The following BFSP2 variants were observed in gnomAD, a reference collection of about 807,000 sequenced individuals.
BFSP2 encodes phakinin.
A neutral mutation model predicts 44.9 loss-of-function variants in BFSP2; 38 were observed. That is an observed-to-expected ratio of 0.85 (90% CI 0.65 to 1.11). The LOEUF is 1.11. BFSP2 is among the 50% of genes least tolerant of loss of function. The probability of loss-of-function intolerance (pLI) is 0.00; values close to 1 mark genes in which losing one functional copy is unlikely to be tolerated. For missense variants in BFSP2, 525 were observed against 533.0 expected, an observed-to-expected ratio of 0.99 and a Z score of 0.15; for synonymous variants, 197 against 209.9, an observed-to-expected ratio of 0.94 and a Z score of 0.53.
At chr3:133,411,660 T>TA (rs1257758335) in intron 1 of BFSP2, among the ~76,000 whole-genome samples, 1 of 152,162 alleles carries the variant, frequency 6.6e-6, no homozygotes, top group Non-Finnish European at 1.5e-5. Context: ...TTAGTTTTAA[T>TA]AAAGGCAGCA....
At chr3:133,421,690 A>G (rs866957092) in intron 1 of BFSP2, among the ~76,000 whole-genome samples, 6 of 152,190 alleles carry the variant, frequency 3.9e-5, no homozygotes, top group South Asian at 4.1e-4. Context: ...TTCTTTTCAC[A>G]TTATAGTCCT....
At chr3:133,464,667 G>C (rs1249100728) in intron 4 of BFSP2, among the ~76,000 whole-genome samples, 1 of 151,030 alleles carries the variant, frequency 6.6e-6, no homozygotes. Flanking sequence ...TATATAGTCA[G>C]TGTTTTCATG....
At chr3:133,454,999 T>G (rs1178139917) in intron 4 of BFSP2, among the ~76,000 whole-genome samples, 3 of 152,214 alleles carry the variant, frequency 2.0e-5, no homozygotes, top group African/African-American at 7.2e-5. Context: ...CCTCCACATC[T>G]TGTCCCACTG....
intron 2 of BFSP2, 53 bp downstream of exon 2, chr3:133,447,452 C>A (rs546670331): frequency 1.3e-6 from 2 of 1,554,476 alleles, no homozygotes; most frequent in African/African-American, 1.4e-5. Context: ...GACTCCTAGG[C>A]AAGTGTGGAT....
intron 1 of BFSP2, among the ~76,000 whole-genome samples, chr3:133,416,642 A>C (rs1286328722): frequency 2.2e-4 from 17 of 78,304 alleles, no homozygotes; most frequent in Middle Eastern, 0.014. Context: ...TCTCCCTTCT[A>C]CTCACCTCTG....
At chr3:133,422,950 C>G (rs2073606502) in intron 1 of BFSP2, among the ~76,000 whole-genome samples, 1 of 152,210 alleles carries the variant, frequency 6.6e-6, no homozygotes, top group Non-Finnish European at 1.5e-5. Context: ...ATACCTGGTA[C>G]TGAATACGTG....
intron 1 of BFSP2, among the ~76,000 whole-genome samples, chr3:133,424,606 G>T (rs1001402299): frequency 4.0e-5 from 6 of 149,948 alleles, no homozygotes; most frequent in African/African-American, 1.5e-4. Flanking sequence ...CCTTTTGTGG[G>T]TTTGTTTGTT....
intron 3 of BFSP2, 106 bp from the exon 4 acceptor site, chr3:133,450,197 T>C (rs1273941043): frequency 7.8e-7 from 1 of 1,285,514 alleles, no homozygotes; most frequent in Non-Finnish European, 1.1e-6. Context: ...CTGGCAGTTG[T>C]GGAATGAGAA....
intron 1 of BFSP2, among the ~76,000 whole-genome samples, chr3:133,416,694 ACCCCTCTACTCTCCCCATCCTCT>A (rs2073534998): frequency 1.7e-5 from 1 of 58,538 alleles, no homozygotes; most frequent in Admixed American, 2.1e-4. Flanking sequence ...CCCTCTACTG[ACCCCTCTACTCTCCCCATCCTCT>A]CCCCTCTACT....
chr3:133,408,769 C>T (rs553296357), intron 1 of BFSP2, among the ~76,000 whole-genome samples: 1 of 151,650 alleles, frequency 6.6e-6, no homozygotes, highest in Non-Finnish European at 1.5e-5. Context: ...ATTCTACCAT[C>T]TAGCTAAGAA....
intron 1 of BFSP2, among the ~76,000 whole-genome samples, chr3:133,416,903 C>T (rs2073538791): frequency 7.4e-6 from 1 of 135,482 alleles, no homozygotes; most frequent in African/African-American, 2.8e-5. Flanking sequence ...CTCATCCCTG[C>T]CCTCTCCCCT....
intron 1 of BFSP2, 112 bp from the exon 2 acceptor site, chr3:133,447,205 G>C (rs573060044): frequency 9.6e-7 from 1 of 1,036,402 alleles, no homozygotes; most frequent in African/African-American, 1.6e-5. Flanking sequence ...TTTGCTGTAA[G>C]AAAGGTTCTC....
intron 5 of BFSP2, among the ~76,000 whole-genome samples, chr3:133,471,747 G>A (rs190874359): frequency 7.0e-4 from 106 of 152,182 alleles, no homozygotes; most frequent in African/African-American, 2.4e-3. Context: ...GTGAAGGGAC[G>A]GCAGAGGAAA....
rs113298744 is a variant in BFSP2 at position 133,439,928 on chromosome 3, C to CAGAG, written c.490-7375_490-7372dup. Among the ~76,000 whole-genome samples the CAGAG allele has an allele frequency of 6.6e-4, 100 of 150,728 alleles. 2 individuals carry two copies. The highest frequency in any genetic ancestry group is 2.4e-3 in the African/African-American group (97 of 41,188). ...TGAGAGGTTAGAAAGCAGAGACAGA[C>CAGAG]AGAGAGAGAGAGAGAGAAAGCAATG... On this transcript the variant is annotated intron_variant, in intron 1 of 6. Coordinates refer to ENST00000302334, the MANE Select transcript of BFSP2 (RefSeq NM_003571.4).
At chr3:133,410,428 C>T (rs666067) in intron 1 of BFSP2, 103,637 of 270,462 alleles carry the variant, frequency 0.38, 21,588 homozygotes, top group East Asian at 0.49. Flanking sequence ...CACTCCAAGC[C>T]GCGCTCTTCC....
intron 5 of BFSP2, among the ~76,000 whole-genome samples, chr3:133,468,930 C>G (rs2074136614): frequency 6.6e-6 from 1 of 152,134 alleles, no homozygotes; most frequent in African/African-American, 2.4e-5. Context: ...TATGTCAAGC[C>G]CTTAGCACAG....
intron 4 of BFSP2, among the ~76,000 whole-genome samples, chr3:133,458,552 G>A (rs745842995): frequency 2.0e-5 from 3 of 152,072 alleles, no homozygotes; most frequent in Admixed American, 6.6e-5. Context: ...AAAATTAGCC[G>A]GGTGTGGTGG....
At chr3:133,441,108 C>T (rs1353681985) in intron 1 of BFSP2, among the ~76,000 whole-genome samples, 1 of 148,704 alleles carries the variant, frequency 6.7e-6, no homozygotes, top group Non-Finnish European at 1.5e-5. Context: ...GGCGCCATCT[C>T]GGCTCACTGC....
At chr3:133,429,855 T>A (rs1258275212) in intron 1 of BFSP2, 1 of 152,058 alleles carries the variant, frequency 6.6e-6, no homozygotes, top group South Asian at 2.1e-4. Context: ...GCTGCACCCA[T>A]TAACTCGTCA....
Sources: allele counts gnomAD v4.1 joint callset (sites outside exome capture counted in the v4.1 genomes callset), GRCh38; gene constraint gnomAD v4.1.1; transcripts MANE v1.5; gene names NCBI Gene and HGNC (gene_info 2026-07-23, HGNC 2026-07-21).